SLC10A6: variants seen among roughly 807,000 people sequenced by gnomAD.
SLC10A6 encodes the protein solute carrier family 10 member 6.
In SLC10A6, 27 loss-of-function variants were observed where a neutral mutation model predicts 30.0. The ratio of observed to expected loss-of-function variants is 0.90; its 90% CI spans 0.66 to 1.24. The LOEUF (loss-of-function observed/expected upper bound fraction) is 1.24, where lower values mean the gene tolerates loss of function less well. Among genes scored for constraint, SLC10A6 ranks in the 50% most tolerant of loss-of-function variants. The probability of loss-of-function intolerance (pLI) is 0.00; values close to 1 mark genes in which losing one functional copy is unlikely to be tolerated. For synonymous variants in SLC10A6, 166 were observed against 173.8 expected, an observed-to-expected ratio of 0.95 and a Z score of 0.36; for missense variants, 439 against 457.0, an observed-to-expected ratio of 0.96 and a Z score of 0.36.
Position 86,831,965 on chromosome 4 carries a change from T to C in SLC10A6, c.497-85A>G, listed in dbSNP as rs73838348. ...CCCAACAACTTCTATTTCAATTAGGTAACAGCTTTAAACTGACATTTTCCC... is the reference window on the plus strand; with the variant it reads ...CCCAACAACTTCTATTTCAATTAGGCAACAGCTTTAAACTGACATTTTCCC... On this transcript the variant is annotated intron_variant, in intron 2 of 5. Transcript: ENST00000273905. 15,856 of 1,079,682 alleles carry C rather than the reference T, an allele frequency of 0.015. 1,623 individuals are homozygous for C. The African/African-American group carries it at 0.22, about 15-fold the overall frequency. The allele number at this position is 1,079,682 out of a possible 1,614,324, so 66.9% of individuals were successfully genotyped here.
At position 86,828,162 on chromosome 4, in the gene SLC10A6, C is replaced by T. The variant is rs1475127836; in HGVS notation, c.592G>A (p.Ala198Thr). ...AGAAGGAGGACCCCACCAACAACGG[C>T]CCCAATCTGAAGCAAACAATAAAAT... The part of the protein sequence containing the change: ...KQSKIILKIG[A>T]VVGGVLLLVV... Residue 198 changes from alanine (A) to threonine (T), a missense_variant, in exon 4 of 6, where the codon GCC (alanine) becomes ACC (threonine). Transcript: ENST00000273905. 1 of 1,609,978 alleles carries T rather than the reference C, an allele frequency of 6.2e-7. No individual in the cohort carries two copies. The highest frequency in any genetic ancestry group is 2.2e-5 in the East Asian group (1 of 44,804).
chr4:86,824,535 T>C (rs2149409941), intron 5 of SLC10A6, among the ~76,000 whole-genome samples: 1 of 152,204 alleles, frequency 6.6e-6, no homozygotes, highest in Middle Eastern at 3.4e-3. Context: ...AAATTTACCA[T>C]GGCCCAAGAT....
At chr4:86,842,492 C>G (rs1447645972) in intron 1 of SLC10A6, among the ~76,000 whole-genome samples, 1 of 152,154 alleles carries the variant, frequency 6.6e-6, no homozygotes, top group Non-Finnish European at 1.5e-5. Flanking sequence ...GAGTTCAAGA[C>G]CAGCCTGGGC....
At chr4:86,827,574 T>C (rs560988857) in intron 4 of SLC10A6, among the ~76,000 whole-genome samples, 3 of 152,370 alleles carry the variant, frequency 2.0e-5, no homozygotes, top group South Asian at 2.1e-4. Flanking sequence ...TACATACTTA[T>C]TGAAAAGCTT....
chr4:86,836,887 A>G (rs1746193906), intron 1 of SLC10A6, among the ~76,000 whole-genome samples: 1 of 151,876 alleles, frequency 6.6e-6, no homozygotes, highest in African/African-American at 2.4e-5. Flanking sequence ...CCTCCTGAGT[A>G]GCTGGGATTA....
intron 1 of SLC10A6, among the ~76,000 whole-genome samples, chr4:86,835,759 G>GAC (rs780701634): frequency 1.3e-5 from 2 of 151,262 alleles, no homozygotes; most frequent in African/African-American, 2.4e-5. Context: ...GAGAGAGAGA[G>GAC]AGAAAGAAAA....
intron 5 of SLC10A6, among the ~76,000 whole-genome samples, chr4:86,824,279 G>C (rs1463820923): frequency 6.6e-6 from 1 of 152,208 alleles, no homozygotes; most frequent in African/African-American, 2.4e-5. Context: ...GAATGAGCCA[G>C]AAATGATGCT....
At chr4:86,823,981 C>T in intron 5 of SLC10A6, 79 bp from the exon 6 acceptor site, 1 of 1,320,502 alleles carries the variant, frequency 7.6e-7, no homozygotes, top group Non-Finnish European at 1.0e-6. Flanking sequence ...CTTGTCAATC[C>T]TTCAGGTGTT....
Position 86,849,025 on chromosome 4 carries a change from C to T in SLC10A6, c.91G>A (p.Glu31Lys). The change falls in exon 1 of 6, where the codon GAG becomes AAG. Residue 31 changes from glutamate to lysine, a missense_variant. Coordinates refer to ENST00000273905, the MANE Select transcript of SLC10A6 (RefSeq NM_197965.3). ...PVGLEVHGNL[E>K]LVFTVVSTVM... ...GTGGACACCACTGTGAAAACGAGCTCCAGGTTTCCATGCACCTCCAGTCCC... is the reference window on the plus strand; with the variant it reads ...GTGGACACCACTGTGAAAACGAGCTTCAGGTTTCCATGCACCTCCAGTCCC... 6.2e-7 allele frequency: 1 copy of T among 1,614,156 alleles called. No homozygotes were observed. Among genetic ancestry groups the T allele is most frequent in the Non-Finnish European group, 8.5e-7 (1 of 1,180,014 alleles).
rs59510555 is a variant in SLC10A6, at chr4:86,845,854, A to G, written c.377+2885T>C. 9.7e-3 allele frequency among the ~76,000 whole-genome samples: 1,485 copies of G among 152,324 alleles called. 32 individuals carry two copies. Among genetic ancestry groups the G allele is most frequent in the African/African-American group, 0.034 (1,407 of 41,558 alleles). ...AGGCAACTGCAAGAGGATGGGTGTC[A>G]TCAGTCATCTCATTTGCAGAACGCA... On this transcript the variant is annotated intron_variant, in intron 1 of 5. Transcript: ENST00000273905.
intron 1 of SLC10A6, among the ~76,000 whole-genome samples, chr4:86,842,292 C>A (rs141733078): frequency 2.0e-5 from 3 of 152,338 alleles, no homozygotes; most frequent in African/African-American, 7.2e-5. Context: ...GCTCCACAGG[C>A]TCCAACACCA....
intron 1 of SLC10A6, among the ~76,000 whole-genome samples, chr4:86,839,132 T>C (rs1746249589): frequency 6.6e-6 from 1 of 151,868 alleles, no homozygotes; most frequent in African/African-American, 2.4e-5. Context: ...TCTTTCATTA[T>C]TTTTTCTTTT....
intron 2 of SLC10A6, among the ~76,000 whole-genome samples, chr4:86,832,552 C>T (rs899450329): frequency 2.0e-5 from 3 of 151,542 alleles, no homozygotes; most frequent in Non-Finnish European, 2.9e-5. Flanking sequence ...GATTGCACGA[C>T]TGCACTCCAG....
chr4:86,848,902 G>C lies in SLC10A6; in HGVS notation c.214C>G (p.Leu72Val), dbSNP rs757315034. 1.9e-6 allele frequency: 3 copies of C among 1,614,214 alleles called. No homozygotes were observed. The highest frequency in any genetic ancestry group is 4.5e-5 in the East Asian group (2 of 44,866). The change falls in exon 1 of 6, where the codon CTG (leucine) becomes GTG (valine). Residue 72 changes from leucine to valine, a missense_variant. Transcript: ENST00000273905. ...GGCATGAGCCCAAACTGGCAGAGCA[G>C]TCCCACAGCAATGCCCCAGGGTCTC... ...IRRPWGIAVG[L>V]LCQFGLMPFT...
At chr4:86,848,593 T>A in intron 1 of SLC10A6, 146 bp downstream of exon 1, 2 of 1,105,780 alleles carry the variant, frequency 1.8e-6, no homozygotes, top group Non-Finnish European at 2.6e-6. Flanking sequence ...AGCCCACCCA[T>A]GGCTGAACAA....
rs747265160 is a variant in SLC10A6 at position 86,833,446 on chromosome 4, T to C, written c.378-22A>G. Reference sequence around the variant, plus strand: ...GATGCTGAAAGTAAAATTAATACAATGCTTAGGAGGGAGCATTGGACATGA... The same window carrying C: ...GATGCTGAAAGTAAAATTAATACAACGCTTAGGAGGGAGCATTGGACATGA... On this transcript the variant is annotated intron_variant, in intron 1 of 5. Coordinates refer to ENST00000273905, the MANE Select transcript of SLC10A6 (RefSeq NM_197965.3). The C allele has an allele frequency of 1.0e-5, 16 of 1,558,462 alleles. No individual in the cohort carries two copies. The South Asian group carries it at 1.7e-4, about 16-fold the overall frequency.
At chr4:86,833,220 G>T (rs1427452274) in intron 2 of SLC10A6, 86 bp downstream of exon 2, 5 of 1,081,800 alleles carry the variant, frequency 4.6e-6, no homozygotes, top group Non-Finnish European at 5.5e-6. Flanking sequence ...AAAAATCCCT[G>T]CATAAAGAGT....
chr4:86,839,632 A>G (rs1256862616), intron 1 of SLC10A6, among the ~76,000 whole-genome samples: 1 of 152,188 alleles, frequency 6.6e-6, no homozygotes, highest in African/African-American at 2.4e-5. Context: ...CATTAACCAT[A>G]GGTCAGTTGC....
intron 4 of SLC10A6, 75 bp from the exon 5 acceptor site, chr4:86,825,652 T>C: frequency 1.4e-6 from 2 of 1,406,558 alleles, no homozygotes; most frequent in Non-Finnish European, 1.9e-6. Flanking sequence ...ATATGCATCA[T>C]AACAATTAGA....
Sources: allele counts gnomAD v4.1 joint callset (sites outside exome capture counted in the v4.1 genomes callset), GRCh38; gene constraint gnomAD v4.1.1; transcripts MANE v1.5; gene names NCBI Gene and HGNC (gene_info 2026-07-23, HGNC 2026-07-21).